FBXO3: variants seen among roughly 807,000 people sequenced by gnomAD.
FBXO3 encodes the protein F-box protein 3, also known as F-box only protein 3.
In FBXO3, 17 loss-of-function variants were observed where a neutral mutation model predicts 64.8. The observed-to-expected ratio is 0.26, with a 90% confidence interval of 0.18 to 0.39. The LOEUF (loss-of-function observed/expected upper bound fraction) is 0.39. Ranked by LOEUF, FBXO3 falls within the 10% of genes least tolerant of loss-of-function variation. FBXO3 has a pLI of 1.00. For synonymous variants in FBXO3, 182 were observed against 201.6 expected, an observed-to-expected ratio of 0.90 and a Z score of 0.82; for missense variants, 420 against 589.9, an observed-to-expected ratio of 0.71 and a Z score of 2.98.
intron 9 of FBXO3, 113 bp downstream of exon 9, chr11:33,748,664 G>T: frequency 3.6e-6 from 2 of 560,342 alleles, no homozygotes; most frequent in East Asian, 2.9e-5. Context: ...ATGCTTAAGG[G>T]ATTAAATTAA....
Position 33,754,505 on chromosome 11 carries a change from G to A in FBXO3, c.679-5C>T. 1 of 1,568,310 alleles carries A rather than the reference G, an allele frequency of 6.4e-7. No homozygotes were observed. The highest frequency in any genetic ancestry group is 8.6e-7 in the Non-Finnish European group (1 of 1,157,622). ...TGGATTTCGAGCCATTTGGTCCTAG[G>A]TGAGAAAAAGAATACAATCGATAAA... is the stretch of plus-strand genomic sequence containing the variant. On this transcript the variant is annotated splice_region_variant and splice_polypyrimidine_tract_variant and intron_variant, in intron 5 of 10. Coordinates refer to ENST00000265651, the MANE Select transcript of FBXO3 (RefSeq NM_012175.4).
At chr11:33,749,839 A>G (rs945064701) in intron 8 of FBXO3, among the ~76,000 whole-genome samples, 10 of 152,222 alleles carry the variant, frequency 6.6e-5, no homozygotes, top group African/African-American at 2.4e-4. Context: ...AAATATCTAT[A>G]CATGTGTATT....
intron 3 of FBXO3, among the ~76,000 whole-genome samples, chr11:33,761,673 T>G (rs748657471): frequency 1.6e-4 from 25 of 152,214 alleles, no homozygotes; most frequent in Non-Finnish European, 3.4e-4. Context: ...ATGACTCAAC[T>G]GGATCCTCTG....
At chr11:33,749,099 C>T (rs1446762113) in intron 8 of FBXO3, among the ~76,000 whole-genome samples, 4 of 152,196 alleles carry the variant, frequency 2.6e-5, no homozygotes, top group African/African-American at 7.2e-5. Context: ...AATGCTTTCA[C>T]TCAACTTATG....
At chr11:33,746,746 T>G (rs1275375924) in intron 10 of FBXO3, 4 of 1,427,688 alleles carry the variant, frequency 2.8e-6, no homozygotes, top group Non-Finnish European at 3.7e-6. Flanking sequence ...CATTAAATTT[T>G]CTTTATAATG....
At position 33,747,257 on chromosome 11, in the gene FBXO3, G is replaced by C; in HGVS notation, c.1112C>G (p.Thr371Arg). 1 of 1,613,468 alleles carries C rather than the reference G, an allele frequency of 6.2e-7. No individual in the cohort carries two copies. The highest frequency in any genetic ancestry group is 8.5e-7 in the Non-Finnish European group (1 of 1,179,828). The stretch of plus-strand genomic sequence containing the variant: ...ATATCCTTCCATGTATCCTGATGTT[G>C]TAGAGAATGTGGTACAGCTTGTGTA... ...YEYTSCTTFS[T>R]TSGYMEGYYT... Residue 371 changes from threonine (T) to arginine (R), a missense_variant, in exon 10 of 11, where the codon ACA becomes AGA. By Grantham distance (71) the Thr-to-Arg change is moderately conservative. Transcript: ENST00000265651.
At chr11:33,758,888 T>G (rs1299405287) in intron 3 of FBXO3, among the ~76,000 whole-genome samples, 1 of 151,830 alleles carries the variant, frequency 6.6e-6, no homozygotes, top group Non-Finnish European at 1.5e-5. Context: ...ACCTCTAAAT[T>G]TCCTAAATCT....
chr11:33,758,002 T>C, intron 4 of FBXO3, among the ~76,000 whole-genome samples: 1 of 151,822 alleles, frequency 6.6e-6, no homozygotes, highest in East Asian at 1.9e-4. Context: ...TTCTTTAGAA[T>C]TAAATTTTAA....
At chr11:33,761,059 G>A (rs948656246) in intron 3 of FBXO3, among the ~76,000 whole-genome samples, 1 of 152,104 alleles carries the variant, frequency 6.6e-6, no homozygotes, top group African/African-American at 2.4e-5. Context: ...TTCTTTCATT[G>A]TCCAGGAAGT....
rs140873481 is a variant in FBXO3, at chr11:33,748,783, C to T, written c.1042G>A (p.Val348Ile). 2.5e-6 allele frequency: 4 copies of T among 1,611,024 alleles called. No homozygotes were observed. The highest frequency in any genetic ancestry group is 1.7e-5 in the Admixed American group (1 of 59,978). The change falls in exon 9 of 11, where the codon GTA becomes ATA. Residue 348 changes from valine to isoleucine, a missense_variant. Val to Ile is a conservative substitution (Grantham distance 29, BLOSUM62 3). This residue lies in a region of FBXO3 where 337 missense variants were observed against 518.4 expected (regional missense o/e 0.65). Coordinates refer to ENST00000265651, the MANE Select transcript of FBXO3 (RefSeq NM_012175.4). The part of the protein sequence containing the change: ...GDVEEVQGPG[V>I]VGEFPIISPG... ...TAAATCTTGGGTTCCATACCAACTA[C>T]TCCAGGTCCTTGAACTTCTTCCACG... is the stretch of plus-strand genomic sequence containing the variant.
chr11:33,742,316 A>C (rs1476053552), intron 10 of FBXO3: 1 of 339,706 alleles, frequency 2.9e-6, no homozygotes, highest in Non-Finnish European at 5.3e-6. Flanking sequence ...TGTTTAATGG[A>C]AGATCTTCTT....
intron 1 of FBXO3, chr11:33,773,630 C>G (rs1272860054): frequency 6.6e-6 from 1 of 152,238 alleles, no homozygotes; most frequent in Non-Finnish European, 1.5e-5. Flanking sequence ...ATTTCTTCCA[C>G]CACCCCAGAC....
At chr11:33,746,495 T>A in intron 10 of FBXO3, 1 of 537,536 alleles carries the variant, frequency 1.9e-6, no homozygotes, top group South Asian at 2.9e-5. Context: ...TTCCAGAAGC[T>A]AGAGGGCATT....
intron 10 of FBXO3, chr11:33,742,827 T>C (rs1342809268): frequency 6.6e-6 from 1 of 152,120 alleles, no homozygotes; most frequent in African/African-American, 2.4e-5. Flanking sequence ...GCAACAGTCA[T>C]TATTATCTCT....
intron 1 of FBXO3, chr11:33,771,193 A>C: frequency 6.4e-6 from 1 of 156,202 alleles, no homozygotes; most frequent in East Asian, 1.8e-4. Flanking sequence ...TTTAGTCATA[A>C]ACAAAGGGAC....
intron 7 of FBXO3, 120 bp downstream of exon 7, chr11:33,751,403 A>G: frequency 1.6e-6 from 1 of 637,558 alleles, no homozygotes; most frequent in Admixed American, 3.4e-5. Flanking sequence ...TTCTATTATC[A>G]ACCTCAATAG....
In FBXO3 at chr11:33,772,764, T is replaced by G. The variant is rs1010763438; in HGVS notation, c.104+1630A>C. 4.6e-4 allele frequency: 70 copies of G among 152,314 alleles called. 1 individual carries two copies. The highest frequency in any genetic ancestry group is 1.6e-3 in the African/African-American group (68 of 41,558). 9.4% of individuals were successfully genotyped at this position (152,314 alleles called of 1,614,324 possible). ...TTGCCTTATCTGCGTTGTTCACTAC[T>G]GTACCCTCAACACTTAACAGACTGG... On this transcript the variant is annotated intron_variant, in intron 1 of 10. Coordinates refer to ENST00000265651, the MANE Select transcript of FBXO3 (RefSeq NM_012175.4).
chr11:33,762,709 A>G (rs1855271893), intron 3 of FBXO3, among the ~76,000 whole-genome samples: 2 of 145,822 alleles, frequency 1.4e-5, no homozygotes, highest in Admixed American at 7.0e-5. Flanking sequence ...CTATGATCTA[A>G]GCAATGATCC....
At chr11:33,761,581 T>C (rs1855242763) in intron 3 of FBXO3, among the ~76,000 whole-genome samples, 2 of 152,210 alleles carry the variant, frequency 1.3e-5, no homozygotes, top group South Asian at 4.1e-4. Context: ...ACGATCACAG[T>C]GGCTGTAGTT....
Sources: allele counts gnomAD v4.1 joint callset (sites outside exome capture counted in the v4.1 genomes callset), GRCh38; gene constraint gnomAD v4.1.1; regional missense constraint gnomAD v4.1.1; transcripts MANE v1.5; gene names NCBI Gene and HGNC (gene_info 2026-07-23, HGNC 2026-07-21).